The following CNTNAP5 variants were observed in gnomAD, a reference collection of about 807,000 sequenced individuals.
CNTNAP5 encodes the protein contactin-associated protein-like 5.
Under a neutral mutation model 150.2 loss-of-function variants are expected in CNTNAP5, and 72 were observed. That is an observed-to-expected ratio of 0.48 (90% CI 0.40 to 0.58). The LOEUF (loss-of-function observed/expected upper bound fraction) is 0.58, where lower values mean the gene tolerates loss of function less well. CNTNAP5 is among the 20% of genes least tolerant of loss of function. The pLI is 0.00. For missense variants in CNTNAP5, 1,636 were observed against 1,626.2 expected (o/e 1.01, Z -0.10); for synonymous variants, 672 against 619.8 (o/e 1.08, Z -1.25).
intron 3 of CNTNAP5, among the ~76,000 whole-genome samples, chr2:124,316,079 G>A (rs1157365732): frequency 2.0e-5 from 3 of 152,106 alleles, no homozygotes; most frequent in Non-Finnish European, 4.4e-5. Context: ...ACTACTTACC[G>A]CCCTTGACCC....
At chr2:124,866,938 T>G (rs1366557895) in intron 20 of CNTNAP5, among the ~76,000 whole-genome samples, 1 of 152,170 alleles carries the variant, frequency 6.6e-6, no homozygotes, top group Non-Finnish European at 1.5e-5. Flanking sequence ...TTTACACTCT[T>G]ACATTCAGAA....
In CNTNAP5 at chr2:124,528,260, GCAATAAAGTTA is replaced by G. The variant is rs1191516460; in HGVS notation, c.1649+816_1649+826del. ...TTATGTTTCATCTGGGAATAAATTA[GCAATAAAGTTA>G]CAATAAAGTTAGATAAATGACCAAG... On this transcript the variant is annotated intron_variant, in intron 10 of 23. Coordinates refer to ENST00000682447, the MANE Select transcript of CNTNAP5 (RefSeq NM_001367498.1). Among the ~76,000 whole-genome samples, 4 of 152,272 alleles carry G rather than the reference GCAATAAAGTTA, an allele frequency of 2.6e-5. No homozygotes were observed. In the South Asian group the frequency reaches 6.2e-4, roughly 24 times the overall value.
At chr2:124,091,249 G>A (rs1179796353) in intron 1 of CNTNAP5, among the ~76,000 whole-genome samples, 3 of 152,140 alleles carry the variant, frequency 2.0e-5, no homozygotes, top group African/African-American at 7.2e-5. Flanking sequence ...TAAAAGTGTG[G>A]TTTCAGTAAA....
At chr2:124,105,760 G>T (rs535487124) in intron 1 of CNTNAP5, among the ~76,000 whole-genome samples, 1 of 151,966 alleles carries the variant, frequency 6.6e-6, no homozygotes, top group South Asian at 2.1e-4. Flanking sequence ...AGAATAAATG[G>T]ATTTTCTGGC....
At chr2:124,369,783 G>A (rs925025911) in intron 3 of CNTNAP5, among the ~76,000 whole-genome samples, 3 of 152,106 alleles carry the variant, frequency 2.0e-5, no homozygotes, top group Admixed American at 6.5e-5. Flanking sequence ...ACAAATGCAA[G>A]GAGGTCTTGA....
intron 21 of CNTNAP5, among the ~76,000 whole-genome samples, chr2:124,884,787 T>A (rs1678044768): frequency 6.6e-6 from 1 of 151,996 alleles, no homozygotes; most frequent in African/African-American, 2.4e-5. Context: ...CTATCAACAT[T>A]ACTCTCACCT....
intron 13 of CNTNAP5, among the ~76,000 whole-genome samples, chr2:124,653,910 A>ACCCCCCCCCCCC (rs1573525170): frequency 5.4e-5 from 1 of 18,382 alleles, no homozygotes; most frequent in African/African-American, 2.1e-4. Flanking sequence ...CACTGCCCCC[A>ACCCCCCCCCCCC]ACCCCCCCCC....
chr2:124,792,680 C>T (rs2104635617), intron 18 of CNTNAP5, among the ~76,000 whole-genome samples: 1 of 152,264 alleles, frequency 6.6e-6, no homozygotes, highest in South Asian at 2.1e-4. Context: ...GCAGCCACTT[C>T]CCAGTTACCT....
rs117335413 is a variant in CNTNAP5, at chr2:124,882,511, T to C, written c.3436+12749T>C. Among the ~76,000 whole-genome samples the C allele has an allele frequency of 5.6e-4, 85 of 152,204 alleles. 1 individual carries two copies. In the East Asian group the frequency reaches 0.016, roughly 29 times the overall value. On this transcript the variant is annotated intron_variant, in intron 21 of 23. Coordinates refer to ENST00000682447, the MANE Select transcript of CNTNAP5 (RefSeq NM_001367498.1). ...AAAGGAGAAATCAGAAGTAAAACTA[T>C]GTGTAACCAAGGTCCTGTTTCCCTA...
chr2:124,669,770 T>A (rs1237608006), intron 13 of CNTNAP5, among the ~76,000 whole-genome samples: 1 of 152,210 alleles, frequency 6.6e-6, no homozygotes, highest in Non-Finnish European at 1.5e-5. Context: ...TTGGTTCCTC[T>A]CTTTTTCCCA....
intron 1 of CNTNAP5, among the ~76,000 whole-genome samples, chr2:124,093,239 G>T (rs756045614): frequency 1.1e-4 from 17 of 152,192 alleles, no homozygotes; most frequent in Non-Finnish European, 2.5e-4. Flanking sequence ...TATGAAATTG[G>T]CAAGTCCTTT....
chr2:124,298,556 C>A (rs1029192869), intron 3 of CNTNAP5, among the ~76,000 whole-genome samples: 33 of 152,314 alleles, frequency 2.2e-4, no homozygotes, highest in African/African-American at 7.7e-4. Flanking sequence ...CCTCTGGAGC[C>A]TCAGTAAATT....
At chr2:124,655,945 G>GAGAGAGAGAAAGAA (rs1553427800) in intron 13 of CNTNAP5, among the ~76,000 whole-genome samples, 1 of 55,518 alleles carries the variant, frequency 1.8e-5, no homozygotes, top group Non-Finnish European at 3.4e-5. Context: ...GAGAGAGAGA[G>GAGAGAGAGAAAGAA]AGAAAGAAAG....
At chr2:124,313,007 T>C (rs1310513040) in intron 3 of CNTNAP5, among the ~76,000 whole-genome samples, 2 of 152,212 alleles carry the variant, frequency 1.3e-5, no homozygotes, top group Non-Finnish European at 2.9e-5. Flanking sequence ...GCCTGGCCAG[T>C]GATCAGTTCT....
chr2:124,463,384 T>C (rs186771463), intron 6 of CNTNAP5, among the ~76,000 whole-genome samples: 346 of 152,270 alleles, frequency 2.3e-3, no homozygotes, highest in Non-Finnish European at 3.9e-3. Context: ...CTGGCATTGA[T>C]CAGGTTTAAG....
chr2:124,624,690 A>G (rs1024921784), intron 12 of CNTNAP5, among the ~76,000 whole-genome samples: 2 of 152,206 alleles, frequency 1.3e-5, no homozygotes, highest in South Asian at 2.1e-4. Context: ...GACATTGTAA[A>G]TGGATATTTT....
intron 3 of CNTNAP5, among the ~76,000 whole-genome samples, chr2:124,252,809 T>C (rs2104781980): frequency 6.6e-6 from 1 of 152,250 alleles, no homozygotes; most frequent in South Asian, 2.1e-4. Context: ...AAATTTGAGG[T>C]ATTAAAGTTT....
At chr2:124,503,248 C>A (rs937637951) in intron 7 of CNTNAP5, among the ~76,000 whole-genome samples, 1 of 152,208 alleles carries the variant, frequency 6.6e-6, no homozygotes, top group African/African-American at 2.4e-5. Context: ...GACTGCTATT[C>A]ATTTTCAAGA....
At chr2:124,724,720 T>A (rs1680120267) in intron 13 of CNTNAP5, among the ~76,000 whole-genome samples, 1 of 151,994 alleles carries the variant, frequency 6.6e-6, no homozygotes, top group Non-Finnish European at 1.5e-5. Context: ...GCCCTTAATG[T>A]GCTCTCTATC....
Sources: allele counts gnomAD v4.1 joint callset (sites outside exome capture counted in the v4.1 genomes callset), GRCh38; gene constraint gnomAD v4.1.1; transcripts MANE v1.5; gene names NCBI Gene and HGNC (gene_info 2026-07-23, HGNC 2026-07-21).